EYS: variants seen among roughly 807,000 people sequenced by gnomAD.
The protein encoded by EYS is EGF-like photoreceptor maintenance factor.
A neutral mutation model predicts 282.1 loss-of-function variants in EYS; 250 were observed. The ratio of observed to expected loss-of-function variants is 0.89; its 90% CI spans 0.80 to 0.98. EYS has a LOEUF of 0.98. EYS is among the 50% of genes least tolerant of loss of function. The pLI, the probability that EYS is intolerant of heterozygous loss-of-function variation, is 0.00. For synonymous variants in EYS, 1,355 were observed against 1,282.9 expected (o/e 1.06, Z -1.20); for missense variants, 4,016 against 3,709.0 (o/e 1.08, Z -2.15).
chr6:65,251,327 A>G (rs9453234), intron 12 of EYS, among the ~76,000 whole-genome samples: 6,054 of 151,822 alleles, frequency 0.04, 364 homozygotes, highest in African/African-American at 0.13. Context: ...TGATCAACGT[A>G]TGTAAAATAA....
chr6:64,191,487 C>T (rs1765107410), intron 31 of EYS, among the ~76,000 whole-genome samples: 3 of 142,410 alleles, frequency 2.1e-5, no homozygotes, highest in South Asian at 2.3e-4. Context: ...TCCCCCCCCA[C>T]CCCAAAACAG....
At chr6:63,730,564 G>A (rs1229244933) in intron 41 of EYS, among the ~76,000 whole-genome samples, 1 of 152,164 alleles carries the variant, frequency 6.6e-6, no homozygotes, top group African/African-American at 2.4e-5. Context: ...GATGTTCAAT[G>A]AACAATCTAC....
intron 42 of EYS, among the ~76,000 whole-genome samples, chr6:63,724,986 T>G (rs1277315404): frequency 6.6e-6 from 1 of 152,112 alleles, no homozygotes; most frequent in African/African-American, 2.4e-5. Flanking sequence ...TTCTGCAACC[T>G]TAAATAAATG....
At chr6:64,516,248 T>C (rs1012725333) in intron 26 of EYS, among the ~76,000 whole-genome samples, 1 of 149,044 alleles carries the variant, frequency 6.7e-6, no homozygotes, top group African/African-American at 2.5e-5. Flanking sequence ...TGAAATAATC[T>C]CTACAAAAAA....
chr6:64,798,168 T>A (rs1014132787), intron 22 of EYS, among the ~76,000 whole-genome samples: 1 of 152,056 alleles, frequency 6.6e-6, no homozygotes, highest in Admixed American at 6.5e-5. Flanking sequence ...AGTGTTTAAC[T>A]TGGAATGATA....
intron 31 of EYS, among the ~76,000 whole-genome samples, chr6:64,167,821 A>C (rs1302795461): frequency 6.6e-6 from 1 of 152,238 alleles, no homozygotes; most frequent in Non-Finnish European, 1.5e-5. Flanking sequence ...AATAAAAATA[A>C]GGAAAACATT....
At chr6:63,842,741 T>G (rs899854335) in intron 36 of EYS, among the ~76,000 whole-genome samples, 1 of 152,242 alleles carries the variant, frequency 6.6e-6, no homozygotes, top group African/African-American at 2.4e-5. Flanking sequence ...TGGTTTTAGT[T>G]CTTATGCTTA....
chr6:64,656,903 C>G (rs965185674), intron 22 of EYS, among the ~76,000 whole-genome samples: 3 of 152,080 alleles, frequency 2.0e-5, no homozygotes, highest in African/African-American at 7.2e-5. Context: ...TGATAGCCAC[C>G]CATTAGACAA....
intron 18 of EYS, among the ~76,000 whole-genome samples, chr6:64,895,894 A>G (rs184972882): frequency 1.3e-5 from 2 of 152,236 alleles, no homozygotes; most frequent in Admixed American, 6.5e-5. Flanking sequence ...TAGGGAAAAA[A>G]TCCTTTCATC....
At chr6:65,057,157 T>C (rs1289212473) in intron 13 of EYS, among the ~76,000 whole-genome samples, 1 of 152,020 alleles carries the variant, frequency 6.6e-6, no homozygotes, top group East Asian at 1.9e-4. Flanking sequence ...AGGATTTGTT[T>C]AGTTTATGGA....
At chr6:65,117,040 G>A (rs939785124) in intron 12 of EYS, among the ~76,000 whole-genome samples, 1 of 152,106 alleles carries the variant, frequency 6.6e-6, no homozygotes. Context: ...AAACTGCACT[G>A]GCCAGTCAAA....
At chr6:64,387,880 T>C (rs1486338480) in intron 29 of EYS, among the ~76,000 whole-genome samples, 1 of 152,144 alleles carries the variant, frequency 6.6e-6, no homozygotes, top group Non-Finnish European at 1.5e-5. Context: ...TTTTATTTTA[T>C]CTTGTATACT....
chr6:64,728,782 T>C (rs1771854852), intron 22 of EYS: 2 of 152,406 alleles, frequency 1.3e-5, no homozygotes, highest in Middle Eastern at 3.4e-3. Context: ...TCTGCACCCA[T>C]GGCTCCTGAG....
At chr6:65,378,076 TATC>T (rs1765447183) in intron 8 of EYS, among the ~76,000 whole-genome samples, 1 of 152,094 alleles carries the variant, frequency 6.6e-6, no homozygotes, top group African/African-American at 2.4e-5. Context: ...CAAAGGAAAC[TATC>T]ATCAGAGTGA....
At chr6:64,026,230 G>T (rs547578244) in intron 33 of EYS, among the ~76,000 whole-genome samples, 1 of 152,244 alleles carries the variant, frequency 6.6e-6, no homozygotes, top group South Asian at 2.1e-4. Flanking sequence ...TCTTGGGCAG[G>T]GGTTGTTTCT....
chr6:64,161,595 T>A (rs1775108918), intron 31 of EYS, among the ~76,000 whole-genome samples: 1 of 152,182 alleles, frequency 6.6e-6, no homozygotes, highest in Non-Finnish European at 1.5e-5. Context: ...AAGGCACTCA[T>A]GATTTTTTTT....
chr6:65,627,200 A>T (rs1766733724), intron 2 of EYS, among the ~76,000 whole-genome samples: 1 of 152,240 alleles, frequency 6.6e-6, no homozygotes, highest in Non-Finnish European at 1.5e-5. Flanking sequence ...AAGAAAGGCA[A>T]TTTGTATTAC....
intron 30 of EYS, among the ~76,000 whole-genome samples, chr6:64,304,513 GGATA>G (rs1769363643): frequency 2.0e-5 from 3 of 151,752 alleles, no homozygotes; most frequent in Non-Finnish European, 4.4e-5. Context: ...ACATTTTCCA[GGATA>G]GACTATATGT....
intron 21 of EYS, 111 bp from the exon 22 acceptor site, chr6:64,813,688 T>A (rs146729137): frequency 1.6e-6 from 1 of 629,336 alleles, no homozygotes; most frequent in Non-Finnish European, 2.4e-6. Flanking sequence ...GCAAACTTGT[T>A]TGACATTTCC....
Sources: allele counts gnomAD v4.1 joint callset (sites outside exome capture counted in the v4.1 genomes callset), GRCh38; gene constraint gnomAD v4.1.1; transcripts MANE v1.5; gene names NCBI Gene and HGNC (gene_info 2026-07-23, HGNC 2026-07-21).